NCOR2: variants seen among roughly 807,000 people sequenced by gnomAD.
NCOR2 encodes the protein nuclear receptor corepressor 2.
A neutral mutation model predicts 262.9 loss-of-function variants in NCOR2; 81 were observed. The ratio of observed to expected loss-of-function variants is 0.31; its 90% confidence interval spans 0.26 to 0.37. NCOR2 has a LOEUF of 0.37. Ranked by LOEUF, NCOR2 falls within the 10% of genes least tolerant of loss-of-function variation. NCOR2 has a pLI of 1.00. For missense variants in NCOR2, 3,385 were observed against 3,621.4 expected (o/e 0.93, Z 1.68); for synonymous variants, 1,659 against 1,559.3 (o/e 1.06, Z -1.51).
chr12:124,354,932 G>A (rs745840872), exon 25 of NCOR2: 9 of 1,612,812 alleles, frequency 5.6e-6, no homozygotes, highest in South Asian at 2.2e-5. Context: ...GAGCTGGACC[G>A]ACATTCCCTG....
rs2046016531 is a variant in NCOR2 at position 124,458,814 on chromosome 12, G to A, written c.706-1652C>T. Among the ~76,000 whole-genome samples the A allele has an allele frequency of 2.0e-5, 3 of 152,184 alleles. No homozygotes were observed. In the South Asian group the frequency reaches 6.2e-4, roughly 32 times the overall value. ...CTTGGGACTAGTATTTCCGGTGGAT[G>A]GGGGCAGACATCACCCGGAGAGTCA... On this transcript the variant is annotated intron_variant, in intron 5 of 46. Transcript: ENST00000405201.
intron 1 of NCOR2, chr12:124,556,183 G>A (rs2051877618): frequency 6.6e-6 from 1 of 152,432 alleles, no homozygotes; most frequent in Admixed American, 6.5e-5. Flanking sequence ...GGCCACCAAG[G>A]GAGGGACAGA....
exon 37 of NCOR2, chr12:124,340,140 G>C (rs763503321): frequency 6.2e-7 from 1 of 1,608,616 alleles, no homozygotes; most frequent in Admixed American, 1.7e-5. Context: ...GGGCATGGGA[G>C]TGGGAGGCGG....
upstream of NCOR2, among the ~76,000 whole-genome samples, chr12:124,498,757 A>G (rs2136928874): frequency 6.6e-6 from 1 of 152,324 alleles, no homozygotes; most frequent in Admixed American, 6.5e-5. Flanking sequence ...CAAAAGGCAG[A>G]CCCAGCAAAA....
intron 1 of NCOR2, among the ~76,000 whole-genome samples, chr12:124,505,022 T>C (rs1298864426): frequency 6.6e-6 from 1 of 152,212 alleles, no homozygotes; most frequent in Non-Finnish European, 1.5e-5. Context: ...GCCAAAATGG[T>C]ATATTTTGTA....
exon 24 of NCOR2, chr12:124,355,459 G>A (rs749067620): frequency 2.4e-5 from 38 of 1,613,282 alleles, no homozygotes; most frequent in South Asian, 9.9e-5. Flanking sequence ...TTTGCCTCTC[G>A]AGGACGCTGG....
intron 1 of NCOR2, among the ~76,000 whole-genome samples, chr12:124,557,453 G>A (rs1348407893): frequency 8.5e-5 from 13 of 152,094 alleles, no homozygotes; most frequent in African/African-American, 2.4e-4. Flanking sequence ...ATTATCGCAC[G>A]GCCTTCTCCT....
intron 13 of NCOR2, among the ~76,000 whole-genome samples, chr12:124,404,696 A>T (rs2136214921): frequency 6.6e-6 from 1 of 152,308 alleles, no homozygotes; most frequent in Non-Finnish European, 1.5e-5. Context: ...GAAAAGCCCC[A>T]AGGAAGAAGA....
chr12:124,512,857 G>A (rs947297769), intron 1 of NCOR2, among the ~76,000 whole-genome samples: 10 of 152,164 alleles, frequency 6.6e-5, no homozygotes, highest in East Asian at 3.9e-4. Context: ...CACGCCTCTC[G>A]GCCGAGGGCC....
intron 1 of NCOR2, chr12:124,542,977 G>A (rs2051421622): frequency 1.3e-5 from 2 of 148,316 alleles, no homozygotes; most frequent in Admixed American, 6.7e-5. Context: ...GGAATCTGCA[G>A]AGGCAGCCAC....
In NCOR2 at chr12:124,481,117, C is replaced by A. The variant is rs2047448768; in HGVS notation, c.411+2479G>T. 2.1e-5 allele frequency among the ~76,000 whole-genome samples: 3 copies of A among 139,776 alleles called. No homozygotes were observed. In the Admixed American group the frequency reaches 2.2e-4, roughly 10 times the overall value. The allele number at this position is 139,776 out of a possible 152,430, so 91.7% of individuals were successfully genotyped here. ...GAAGCAGGGGGTGAAGGGGAGTGAG[C>A]AGGACAGGGGGGCTGTTTGGGTGGA... On this transcript the variant is annotated intron_variant, in intron 3 of 46. Coordinates refer to ENST00000405201, the Ensembl canonical transcript of NCOR2. The surrounding 1 kb of genome is among the most constrained non-coding windows in gnomAD (Gnocchi z 4.6).
intron 1 of NCOR2, among the ~76,000 whole-genome samples, chr12:124,557,155 C>A (rs897237869): frequency 6.6e-6 from 1 of 152,230 alleles, no homozygotes; most frequent in Non-Finnish European, 1.5e-5. Flanking sequence ...CAGGCCTCCC[C>A]CTGGCTGCCA....
intron 39 of NCOR2, 36 bp from the exon 42 acceptor site, chr12:124,335,316 C>A: frequency 1.3e-6 from 2 of 1,539,090 alleles, no homozygotes; most frequent in South Asian, 1.2e-5. Context: ...GGGGTGTCTG[C>A]TGGCCCCAGG....
intron 8 of NCOR2, among the ~76,000 whole-genome samples, chr12:124,431,027 AC>A (rs1324130185): frequency 1.3e-5 from 2 of 152,110 alleles, no homozygotes; most frequent in African/African-American, 4.8e-5. Flanking sequence ...ACAGGCACAC[AC>A]AAATGCAGTC....
chr12:124,340,746 T>C lies in NCOR2; in HGVS notation c.5194A>G (p.Ile1732Val), dbSNP rs754767805. The C allele has an allele frequency of 2.1e-5, 33 of 1,540,284 alleles. No homozygotes were observed. Among genetic ancestry groups the C allele is most frequent in the South Asian group, 6.3e-5 (5 of 79,352 alleles). Residue 1732 changes from isoleucine to valine, a missense_variant, in exon 35 of 47, where the codon ATC (isoleucine) becomes GTC (valine). Coordinates refer to ENST00000405201, the Ensembl canonical transcript of NCOR2. ...AGGTGTGGCACTTGGGACAGGTCGA[T>C]GATGCCTGCGGGAGGTGTTGGGCCA...
chr12:124,449,748 A>G, intron 7 of NCOR2, 67 bp downstream of exon 9: 1 of 1,561,208 alleles, frequency 6.4e-7, no homozygotes, highest in South Asian at 1.1e-5. Flanking sequence ...CATCCCATGC[A>G]GGCTGCTGAG....
intron 11 of NCOR2, among the ~76,000 whole-genome samples, chr12:124,426,172 C>T (rs1239288955): frequency 1.3e-5 from 2 of 152,184 alleles, no homozygotes; most frequent in Admixed American, 6.5e-5. Context: ...TTCATGGCCA[C>T]CCAGAACCTC....
At chr12:124,487,238 A>G (rs1164928134) in intron 1 of NCOR2, among the ~76,000 whole-genome samples, 1 of 152,092 alleles carries the variant, frequency 6.6e-6, no homozygotes, top group Non-Finnish European at 1.5e-5. Flanking sequence ...TCGCCAGGAG[A>G]AGGATGGATG....
At position 124,523,892 on chromosome 12, in the gene NCOR2, G is replaced by A. The variant is rs1353182193; in HGVS notation, c.-118+11673C>T. On this transcript the variant is annotated intron_variant, in intron 1 of 46. Coordinates refer to the NCOR2 transcript ENST00000404621. This position sits in a 1 kb window ranked among gnomAD's most constrained non-coding sequence, Gnocchi z 4.0. ...TTTGAACTCAGCAAGTGTGAAACCC[G>A]CATCTACGACACTAACCACTAGACT... Among the ~76,000 whole-genome samples, 1 of 152,180 alleles carries A rather than the reference G, an allele frequency of 6.6e-6. No individual in the cohort carries two copies.
Sources: allele counts gnomAD v4.1 joint callset (sites outside exome capture counted in the v4.1 genomes callset), GRCh38; gene constraint gnomAD v4.1.1; non-coding constraint Gnocchi (gnomAD v3.1); transcripts MANE v1.5; gene names NCBI Gene and HGNC (gene_info 2026-07-23, HGNC 2026-07-21).